RERE: variants seen among roughly 807,000 people sequenced by gnomAD.
RERE encodes arginine-glutamic acid dipeptide repeats.
Under a neutral mutation model 146.1 loss-of-function variants are expected in RERE, and 40 were observed. The observed-to-expected ratio is 0.27, with a 90% confidence interval of 0.21 to 0.36. The LOEUF is 0.36. RERE is among the 10% of genes least tolerant of loss of function. The pLI is 1.00. For synonymous variants in RERE, 1,003 were observed against 866.0 expected, an observed-to-expected ratio of 1.16 and a Z score of -2.78; for missense variants, 1,933 against 2,138.7, an observed-to-expected ratio of 0.90 and a Z score of 1.90.
chr1:8,421,191 C>T (rs1348307441), intron 12 of RERE, among the ~76,000 whole-genome samples: 1 of 152,180 alleles, frequency 6.6e-6, no homozygotes, highest in African/African-American at 2.4e-5. Context: ...AGACAGAGAA[C>T]TTGAGAGGCT....
chr1:8,642,732 A>G (rs1439871427), intron 2 of RERE, among the ~76,000 whole-genome samples: 4 of 152,214 alleles, frequency 2.6e-5, no homozygotes, highest in African/African-American at 9.6e-5. Flanking sequence ...AACAAATTGA[A>G]TATCAATTTT....
intron 2 of RERE, among the ~76,000 whole-genome samples, chr1:8,638,783 A>ATTTTTTTTTTTTTTTTT (rs34276909): frequency 1.0e-5 from 1 of 100,348 alleles, no homozygotes; most frequent in African/African-American, 4.2e-5. Flanking sequence ...ACGAAAAAAA[A>ATTTTTTTTTTTTTTTTT]TTTTTTTTTT....
chr1:8,377,080 A>C (rs1005609889), intron 12 of RERE, among the ~76,000 whole-genome samples: 1 of 152,220 alleles, frequency 6.6e-6, no homozygotes, highest in African/African-American at 2.4e-5. Context: ...AAAATAATTT[A>C]AAAATAAATA....
intron 7 of RERE, among the ~76,000 whole-genome samples, chr1:8,521,269 A>G (rs1290353928): frequency 6.6e-6 from 1 of 152,006 alleles, no homozygotes; most frequent in Non-Finnish European, 1.5e-5. Flanking sequence ...AATAGTTATT[A>G]AACATACTGG....
At chr1:8,728,956 G>A (rs1386645636) in intron 1 of RERE, among the ~76,000 whole-genome samples, 7 of 152,120 alleles carry the variant, frequency 4.6e-5, no homozygotes, top group East Asian at 3.9e-4. Context: ...ATCCGAGGTC[G>A]GGAGTTCAAG....
intron 3 of RERE, among the ~76,000 whole-genome samples, chr1:8,616,901 C>T (rs1461193698): frequency 1.3e-5 from 2 of 152,174 alleles, no homozygotes; most frequent in Admixed American, 1.3e-4. Flanking sequence ...TATGTTAATA[C>T]CACTCTGTCC....
intron 1 of RERE, among the ~76,000 whole-genome samples, chr1:8,687,268 C>A (rs887632902): frequency 1.8e-4 from 27 of 152,244 alleles, no homozygotes; most frequent in African/African-American, 6.5e-4. Flanking sequence ...CTGGTCTATA[C>A]ACAAGCAGTG....
At chr1:8,541,460 T>C in intron 6 of RERE, 142 bp from the exon 7 acceptor site, 2 of 574,166 alleles carry the variant, frequency 3.5e-6, no homozygotes, top group East Asian at 2.9e-5. Context: ...TTATTTCACC[T>C]ATTCAGCTGT....
intron 1 of RERE, among the ~76,000 whole-genome samples, chr1:8,716,220 T>TGA: frequency 6.7e-6 from 1 of 148,650 alleles, no homozygotes; most frequent in African/African-American, 2.5e-5. Flanking sequence ...TCTAACACTT[T>TGA]GAGAGGCCAA....
In RERE at chr1:8,355,175, C is replaced by A. The variant is rs1889854; in HGVS notation, c.4668-55G>T. On this transcript the variant is annotated intron_variant, in intron 22 of 22. Transcript: ENST00000400908. ...AGTCTCAGGCCTAGGCAGGCAGTCA[C>A]GCAGGCTGGAGGCAACCCCAAAGAC... 48 of 1,592,692 alleles carry A rather than the reference C, an allele frequency of 3.0e-5. No homozygotes were observed. The South Asian group carries it at 5.3e-4, about 18-fold the overall frequency.
At chr1:8,641,345 C>T (rs1413376456) in intron 2 of RERE, among the ~76,000 whole-genome samples, 4 of 152,138 alleles carry the variant, frequency 2.6e-5, no homozygotes, top group African/African-American at 7.2e-5. Flanking sequence ...CAAAGTAAGG[C>T]ATCTATGTAT....
chr1:8,745,939 A>G (rs1264373965), intron 1 of RERE, among the ~76,000 whole-genome samples: 2 of 152,118 alleles, frequency 1.3e-5, no homozygotes, highest in Non-Finnish European at 2.9e-5. Context: ...ATGGCAGCAC[A>G]TGCCTGTGGT....
intron 11 of RERE, chr1:8,424,775 G>A (rs1312287976): frequency 6.6e-6 from 1 of 152,486 alleles, no homozygotes; most frequent in African/African-American, 2.4e-5. Context: ...GCTAGGAAGA[G>A]GAAGCAACTT....
chr1:8,481,682 T>TA (rs1644835965), intron 10 of RERE, among the ~76,000 whole-genome samples: 3 of 152,156 alleles, frequency 2.0e-5, no homozygotes, highest in Non-Finnish European at 2.9e-5. Context: ...GTTGATACCT[T>TA]AAAAAATAAA....
At chr1:8,726,547 C>A (rs1639973491) in intron 1 of RERE, among the ~76,000 whole-genome samples, 1 of 152,174 alleles carries the variant, frequency 6.6e-6, no homozygotes, top group Non-Finnish European at 1.5e-5. Flanking sequence ...TCTTTGTAAG[C>A]CAAATCAGAG....
intron 1 of RERE, among the ~76,000 whole-genome samples, chr1:8,710,328 T>C (rs1251579822): frequency 6.6e-6 from 1 of 152,168 alleles, no homozygotes; most frequent in Non-Finnish European, 1.5e-5. Flanking sequence ...TAATATACTC[T>C]TGAAAAATAA....
intron 10 of RERE, among the ~76,000 whole-genome samples, chr1:8,472,712 A>G (rs1375607289): frequency 6.6e-6 from 1 of 152,194 alleles, no homozygotes; most frequent in Non-Finnish European, 1.5e-5. Context: ...AAGCATCTTG[A>G]CTCAGTGAGC....
intron 8 of RERE, among the ~76,000 whole-genome samples, chr1:8,505,806 C>T (rs1195432659): frequency 3.9e-5 from 6 of 152,182 alleles, no homozygotes; most frequent in Non-Finnish European, 8.8e-5. Flanking sequence ...GCTGGGATTA[C>T]AGGCGTGAGC....
chr1:8,362,899 C>G, intron 15 of RERE, 55 bp from the exon 16 acceptor site: 1 of 1,561,314 alleles, frequency 6.4e-7, no homozygotes, highest in Non-Finnish European at 8.7e-7. Context: ...CCATGTGGAC[C>G]CACCTGAGCC....
Sources: allele counts gnomAD v4.1 joint callset (sites outside exome capture counted in the v4.1 genomes callset), GRCh38; gene constraint gnomAD v4.1.1; transcripts MANE v1.5; gene names NCBI Gene and HGNC (gene_info 2026-07-23, HGNC 2026-07-21).